Variants in NEK11 observed in about 807,000 individuals in gnomAD.
NEK11 encodes the protein NIMA related kinase 11.
In NEK11, 72 loss-of-function variants were observed where a neutral mutation model predicts 80.7. The ratio of observed to expected loss-of-function variants is 0.89; its 90% CI spans 0.74 to 1.08. The LOEUF (loss-of-function observed/expected upper bound fraction) is 1.08. Among genes scored for constraint, NEK11 ranks in the 50% least tolerant of loss-of-function variants. NEK11 has a pLI of 0.00. For missense variants in NEK11, 764 were observed against 763.6 expected (o/e 1.00, Z -0.01); for synonymous variants, 251 against 260.7 (o/e 0.96, Z 0.36).
At chr3:131,251,712 C>T (rs1343974060) in intron 16 of NEK11, among the ~76,000 whole-genome samples, 1 of 152,042 alleles carries the variant, frequency 6.6e-6, no homozygotes, top group South Asian at 2.1e-4. Context: ...CTGCCCAAAA[C>T]TGTGCAACAC....
intron 3 of NEK11, among the ~76,000 whole-genome samples, chr3:131,049,702 T>G (rs2068030604): frequency 6.6e-6 from 1 of 152,178 alleles, no homozygotes; most frequent in African/African-American, 2.4e-5. Context: ...AGATGTCAGT[T>G]TTGTGTTTTT....
chr3:131,150,163 T>C (rs1371728247), intron 7 of NEK11, among the ~76,000 whole-genome samples: 5 of 152,120 alleles, frequency 3.3e-5, no homozygotes, highest in South Asian at 2.1e-4. Flanking sequence ...CTGTTATTCA[T>C]GTCTAGCACA....
intron 15 of NEK11, among the ~76,000 whole-genome samples, chr3:131,233,307 G>A (rs1362621370): frequency 1.3e-5 from 2 of 152,216 alleles, no homozygotes; most frequent in Non-Finnish European, 2.9e-5. Context: ...CCTGGGAAGA[G>A]CAGGGCCTCA....
intron 7 of NEK11, among the ~76,000 whole-genome samples, chr3:131,139,353 G>T (rs80029599): frequency 2.8e-5 from 3 of 107,550 alleles, no homozygotes; most frequent in African/African-American, 8.6e-5. Flanking sequence ...AGAGAAAAAA[G>T]AAAAAAAAAA....
intron 17 of NEK11, among the ~76,000 whole-genome samples, chr3:131,307,335 G>GAATA (rs1399556995): frequency 6.6e-6 from 1 of 152,174 alleles, no homozygotes; most frequent in Non-Finnish European, 1.5e-5. Flanking sequence ...GAGAGAAATA[G>GAATA]AATAGTCTTT....
intron 4 of NEK11, among the ~76,000 whole-genome samples, chr3:131,106,901 A>G (rs1478352444): frequency 6.6e-6 from 1 of 152,158 alleles, no homozygotes; most frequent in Middle Eastern, 3.2e-3. Flanking sequence ...AAAGCTCACT[A>G]ATCTGGAAGT....
intron 5 of NEK11, among the ~76,000 whole-genome samples, chr3:131,117,328 G>A (rs996799459): frequency 6.6e-6 from 1 of 152,156 alleles, no homozygotes; most frequent in African/African-American, 2.4e-5. Context: ...CTGTCCCATT[G>A]GTCTATATCT....
At chr3:131,337,236 C>A (rs1432214722) in intron 17 of NEK11, among the ~76,000 whole-genome samples, 1 of 150,994 alleles carries the variant, frequency 6.6e-6, no homozygotes, top group Non-Finnish European at 1.5e-5. Flanking sequence ...CAATGATAGA[C>A]TGGATTAAGA....
At chr3:131,203,690 ATATATATGTATATATG>A (rs139173310) in intron 14 of NEK11, among the ~76,000 whole-genome samples, 6 of 131,566 alleles carry the variant, frequency 4.6e-5, no homozygotes, top group South Asian at 2.4e-4. Context: ...TAAAGTTCAT[ATATATATGTATATATG>A]TATATATGTA....
intron 16 of NEK11, among the ~76,000 whole-genome samples, chr3:131,269,022 T>G (rs747364339): frequency 6.6e-6 from 1 of 152,236 alleles, no homozygotes; most frequent in Non-Finnish European, 1.5e-5. Context: ...CAAGCTGCGG[T>G]GGGCTCTGCC....
At chr3:131,252,286 G>C (rs987302917) in intron 16 of NEK11, among the ~76,000 whole-genome samples, 3 of 152,070 alleles carry the variant, frequency 2.0e-5, no homozygotes, top group Non-Finnish European at 4.4e-5. Context: ...ATGCCCAGGT[G>C]CCTGCAGAGC....
chr3:131,048,118 T>C (rs1577414498), intron 3 of NEK11, among the ~76,000 whole-genome samples: 3 of 152,234 alleles, frequency 2.0e-5, no homozygotes, highest in Admixed American at 2.0e-4. Flanking sequence ...CCAGTGTTAC[T>C]CCTACCGTGC....
At chr3:131,126,650 A>G (rs1431955653) in intron 5 of NEK11, among the ~76,000 whole-genome samples, 3 of 152,100 alleles carry the variant, frequency 2.0e-5, no homozygotes, top group African/African-American at 2.4e-5. Context: ...GTGTTTTCCA[A>G]TATTACAGTG....
At chr3:131,115,960 TTC>T (rs746024757) in intron 5 of NEK11, among the ~76,000 whole-genome samples, 3 of 142,622 alleles carry the variant, frequency 2.1e-5, no homozygotes, top group East Asian at 4.6e-4. Flanking sequence ...CTTTCTTTCT[TTC>T]TTTCTTTCTT....
intron 5 of NEK11, among the ~76,000 whole-genome samples, chr3:131,128,778 G>C (rs147243304): frequency 1.3e-5 from 2 of 152,174 alleles, no homozygotes; most frequent in Non-Finnish European, 2.9e-5. Context: ...CACTAGCAGC[G>C]AATGAGAGTT....
chr3:131,157,114 C>T (rs573538862), intron 10 of NEK11, among the ~76,000 whole-genome samples: 1 of 152,060 alleles, frequency 6.6e-6, no homozygotes, highest in African/African-American at 2.4e-5. Flanking sequence ...GCTTAAAATC[C>T]CTGGTAACAA....
chr3:131,152,297 C>T (rs776998699), intron 7 of NEK11, 91 bp from the exon 8 acceptor site: 3 of 1,100,826 alleles, frequency 2.7e-6, no homozygotes, highest in East Asian at 2.4e-5. Context: ...GCCTCACAGC[C>T]AATGCCCCAA....
In NEK11 at chr3:131,119,671, A is replaced by G. The variant is rs2082019674; in HGVS notation, c.455+9750A>G. Reference sequence around the variant, plus strand: ...GGGTTCTCCTGTATTGGGTGTATATATATTTAGGATAGTTAGCTCTTCTTG... The same window carrying G: ...GGGTTCTCCTGTATTGGGTGTATATGTATTTAGGATAGTTAGCTCTTCTTG... On this transcript the variant is annotated intron_variant, in intron 5 of 17. Coordinates refer to ENST00000383366, the MANE Select transcript of NEK11 (RefSeq NM_024800.5). Among the ~76,000 whole-genome samples, 4 of 152,164 alleles carry G rather than the reference A, an allele frequency of 2.6e-5. No homozygotes were observed. The South Asian group carries it at 8.3e-4, about 32-fold the overall frequency.
At chr3:131,185,002 C>A (rs995098050) in intron 14 of NEK11, among the ~76,000 whole-genome samples, 4 of 152,074 alleles carry the variant, frequency 2.6e-5, no homozygotes, top group African/African-American at 9.7e-5. Flanking sequence ...TGTGTCCTGC[C>A]TAAGAACTAC....
Sources: gnomAD v4.1 joint callset for allele counts (sites outside exome capture counted in the v4.1 genomes callset) on GRCh38, gnomAD v4.1.1 for gene constraint, MANE v1.5 for transcripts, NCBI Gene and HGNC (gene_info 2026-07-23, HGNC 2026-07-21) for gene names.